Variants in MARK4 observed in about 807,000 individuals in gnomAD.
MARK4 encodes the protein microtubule affinity regulating kinase 4, also known as MAP/microtubule affinity-regulating kinase 4.
A neutral mutation model predicts 81.5 loss-of-function variants in MARK4; 19 were observed. The observed-to-expected ratio is 0.23, with a 90% confidence interval of 0.16 to 0.34. MARK4 has a LOEUF of 0.34. Among genes scored for constraint, MARK4 ranks in the 10% least tolerant of loss-of-function variants. The probability of loss-of-function intolerance (pLI) is 1.00; values close to 1 mark genes in which losing one functional copy is unlikely to be tolerated. For synonymous variants in MARK4, 436 were observed against 439.0 expected, an observed-to-expected ratio of 0.99 and a Z score of 0.08; for missense variants, 772 against 1,058.8, an observed-to-expected ratio of 0.73 and a Z score of 3.76.
intron 2 of MARK4, among the ~76,000 whole-genome samples, chr19:45,260,465 G>C (rs976583691): frequency 2.0e-5 from 3 of 151,748 alleles, no homozygotes; most frequent in African/African-American, 7.3e-5. Context: ...GCCGAGGCAG[G>C]TGGATCACCT....
At chr19:45,298,079 TTCCTCCTCC>T in intron 15 of MARK4, 125 bp downstream of exon 15, 1 of 1,496,818 alleles carries the variant, frequency 6.7e-7, no homozygotes, top group South Asian at 1.2e-5. Context: ...TCCTCCTCGT[TTCCTCCTCC>T]TCCTCCTCCT....
At chr19:45,278,657 G>A (rs1160050380) in intron 10 of MARK4, 42 bp downstream of exon 10, 1 of 1,464,388 alleles carries the variant, frequency 6.8e-7, no homozygotes, top group Non-Finnish European at 9.6e-7. Flanking sequence ...AGGATGGAGT[G>A]CAGTGGTGCA....
chr19:45,285,146 C>CT (rs1466719462), intron 12 of MARK4, among the ~76,000 whole-genome samples: 1 of 151,024 alleles, frequency 6.6e-6, no homozygotes, highest in Non-Finnish European at 1.5e-5. Context: ...GTAATCCCAG[C>CT]TACTTGAGAG....
At chr19:45,282,473 G>A (rs1020212664) in intron 12 of MARK4, among the ~76,000 whole-genome samples, 1 of 149,874 alleles carries the variant, frequency 6.7e-6, no homozygotes, top group African/African-American at 2.5e-5. Flanking sequence ...CAGGAGGATT[G>A]CTTGAGCCCA....
At chr19:45,287,355 C>A in intron 12 of MARK4, 92 bp from the exon 13 acceptor site, 1 of 864,798 alleles carries the variant, frequency 1.2e-6, no homozygotes, top group Non-Finnish European at 1.7e-6. Context: ...GATTGCAACC[C>A]ACGTGAGGAA....
intron 14 of MARK4, 90 bp from the exon 15 acceptor site, chr19:45,297,586 G>A (rs761013861): frequency 1.9e-4 from 146 of 774,798 alleles, no homozygotes; most frequent in Non-Finnish European, 2.6e-4. Context: ...TGCAGTCCCT[G>A]GTCTCAGGAC....
chr19:45,260,351 C>T (rs1252617973), intron 2 of MARK4, among the ~76,000 whole-genome samples: 1 of 147,288 alleles, frequency 6.8e-6, no homozygotes, highest in Admixed American at 6.9e-5. Flanking sequence ...GATGGTGCCA[C>T]TGTATTCCGC....
At chr19:45,287,366 T>A in intron 12 of MARK4, 81 bp from the exon 13 acceptor site, 2 of 990,694 alleles carry the variant, frequency 2.0e-6, no homozygotes, top group Non-Finnish European at 2.8e-6. Context: ...ACGTGAGGAA[T>A]TCTCAGGTTC....
intron 15 of MARK4, chr19:45,298,254 C>T: frequency 5.0e-6 from 8 of 1,605,216 alleles, no homozygotes; most frequent in Non-Finnish European, 6.8e-6. Context: ...TTCTCGCTGG[C>T]TCTGCCTCCC....
Position 45,278,512 on chromosome 19 carries a change from G to C in MARK4, c.907-4G>C, listed in dbSNP as rs750835335. ...TCCCCCTTCCCTGCTCCTGATGCCT[G>C]CAGCAAATCATGAAAGACAAATGGA... On this transcript the variant is annotated splice_polypyrimidine_tract_variant and splice_region_variant and intron_variant, in intron 9 of 16. Transcript: ENST00000262891. 192 of 1,613,434 alleles carry C rather than the reference G, an allele frequency of 1.2e-4. No individual in the cohort carries two copies. Among genetic ancestry groups the C allele is most frequent in the Non-Finnish European group, 1.6e-4 (187 of 1,179,544 alleles).
In MARK4 at chr19:45,255,018, T is replaced by C. The variant is rs904190422; in HGVS notation, c.51+3379T>C. 2.0e-5 allele frequency among the ~76,000 whole-genome samples: 3 copies of C among 151,982 alleles called. No individual in the cohort carries two copies. The South Asian group carries it at 6.2e-4, about 32-fold the overall frequency. Reference sequence around the variant, plus strand: ...GAGCTGAAGACTAGCCCGGACAACATAGCAAGACTCCATCTCTACAAAAAA... The same window carrying C: ...GAGCTGAAGACTAGCCCGGACAACACAGCAAGACTCCATCTCTACAAAAAA... On this transcript the variant is annotated intron_variant, in intron 1 of 16. Coordinates refer to ENST00000262891, the MANE Select transcript of MARK4 (RefSeq NM_001199867.2).
At chr19:45,266,093 G>C in intron 6 of MARK4, 132 bp from the exon 7 acceptor site, 1 of 870,678 alleles carries the variant, frequency 1.1e-6, no homozygotes. Context: ...ACTGAATCAG[G>C]GTGTGAGGCC....
intron 8 of MARK4, among the ~76,000 whole-genome samples, chr19:45,274,347 C>G (rs986194921): frequency 6.7e-6 from 1 of 150,216 alleles, no homozygotes; most frequent in African/African-American, 2.4e-5. Flanking sequence ...AGACAGCCTT[C>G]TGGCCGGGCA....
chr19:45,291,658 T>C lies in MARK4; in HGVS notation c.1495-2691T>C, dbSNP rs535477908. Among the ~76,000 whole-genome samples, 7 of 152,308 alleles carry C rather than the reference T, an allele frequency of 4.6e-5. No homozygotes were observed. In the East Asian group the frequency reaches 1.3e-3, roughly 29 times the overall value. On this transcript the variant is annotated intron_variant, in intron 13 of 16. Transcript: ENST00000262891. ...TTAGCCGGGCTTGGTGGCGGGCACC[T>C]GTAGTCCCAGCTACTCGGGAGGCTG... is the stretch of plus-strand genomic sequence containing the variant.
At chr19:45,276,930 C>G (rs1970605779) in intron 8 of MARK4, among the ~76,000 whole-genome samples, 1 of 149,644 alleles carries the variant, frequency 6.7e-6, no homozygotes, top group East Asian at 2.0e-4. Flanking sequence ...CCACCGCGCC[C>G]AGCCACATTT....
intron 16 of MARK4, among the ~76,000 whole-genome samples, 159 bp downstream of exon 16, chr19:45,300,014 A>G (rs1448640234): frequency 6.6e-6 from 1 of 152,084 alleles, no homozygotes; most frequent in South Asian, 2.1e-4. Context: ...AGCTCCTCTC[A>G]TTCCCACCCA....
In MARK4 at chr19:45,251,436, T is replaced by A; in HGVS notation, c.-153T>A. ...CGGCGTCCCTTCCCCTCCCCCGCCC[T>A]GCCCCCTCTCCCGCCGCGCGGACCC... On this transcript the variant is annotated 5_prime_UTR_variant, in exon 1 of 17. Coordinates refer to ENST00000262891, the MANE Select transcript of MARK4 (RefSeq NM_001199867.2). The A allele has an allele frequency of 1.6e-4, 34 of 210,744 alleles. No homozygotes were observed. Among genetic ancestry groups the A allele is most frequent in the East Asian group, 5.7e-4 (3 of 5,228 alleles). 13.1% of individuals were successfully genotyped at this position (210,744 alleles called of 1,614,324 possible).
chr19:45,283,488 G>A (rs545417903), intron 12 of MARK4, among the ~76,000 whole-genome samples: 3 of 149,356 alleles, frequency 2.0e-5, no homozygotes, highest in Middle Eastern at 3.5e-3. Context: ...TTTCTATGTC[G>A]ATGAATTTGG....
chr19:45,261,124 C>T (rs1022368553), intron 2 of MARK4, among the ~76,000 whole-genome samples: 3 of 152,120 alleles, frequency 2.0e-5, no homozygotes, highest in South Asian at 2.1e-4. Context: ...CACCGGGCCC[C>T]GATGGTCTTA....
Sources: gnomAD v4.1 joint callset for allele counts (sites outside exome capture counted in the v4.1 genomes callset) on GRCh38, gnomAD v4.1.1 for gene constraint, MANE v1.5 for transcripts, NCBI Gene and HGNC (gene_info 2026-07-23, HGNC 2026-07-21) for gene names.